The following SETDB1 variants were observed in gnomAD, a reference collection of about 807,000 sequenced individuals.
The protein encoded by SETDB1 is histone-lysine N-methyltransferase SETDB1.
SETDB1 carries 31 observed loss-of-function variants against 137.4 expected under a neutral mutation model. The observed-to-expected ratio is 0.23, with a 90% CI of 0.17 to 0.30. The LOEUF (loss-of-function observed/expected upper bound fraction) is 0.30, where lower values mean the gene tolerates loss of function less well. Ranked by LOEUF, SETDB1 falls within the 10% of genes least tolerant of loss-of-function variation. SETDB1 has a pLI of 1.00. For synonymous variants in SETDB1, 548 were observed against 579.9 expected, an observed-to-expected ratio of 0.95 and a Z score of 0.79; for missense variants, 1,113 against 1,631.5, an observed-to-expected ratio of 0.68 and a Z score of 5.47.
rs587676891 is a variant in SETDB1 at position 150,929,390 on chromosome 1, T to A, written c.261-577T>A. On this transcript the variant is annotated intron_variant, in intron 2 of 21. Transcript: ENST00000692827. ...TTTTATTTTTATTTTATTTTATTTT[T>A]TTTTTAGACAGAGACTTGCTCTGTC... Among the ~76,000 whole-genome samples the A allele has an allele frequency of 5.4e-3, 826 of 151,836 alleles. 5 individuals are homozygous for A. The highest frequency in any genetic ancestry group is 9.5e-3 in the Non-Finnish European group (647 of 67,920).
In SETDB1 at chr1:150,962,901, G is replaced by A. The variant is rs587747743; in HGVS notation, c.3295-73G>A. Reference sequence around the variant, plus strand: ...TGCCACCGCCCTTTCCTGCCAAACCGTGGGTAACAGCAAGGACTTAAAGGA... The same window carrying A: ...TGCCACCGCCCTTTCCTGCCAAACCATGGGTAACAGCAAGGACTTAAAGGA... On this transcript the variant is annotated intron_variant, in intron 18 of 21. Coordinates refer to ENST00000692827, the MANE Select transcript of SETDB1 (RefSeq NM_001366418.1). 2.1e-5 allele frequency: 33 copies of A among 1,553,606 alleles called. No individual in the cohort carries two copies. The South Asian group carries it at 2.8e-4, about 13-fold the overall frequency.
At position 150,963,653 on chromosome 1, in the gene SETDB1, G is replaced by A. The variant is rs750158928; in HGVS notation, c.3584G>A (p.Arg1195His). The A allele has an allele frequency of 2.9e-5, 46 of 1,613,984 alleles. No individual in the cohort carries two copies. Among genetic ancestry groups the A allele is most frequent in the Non-Finnish European group, 3.4e-5 (40 of 1,180,014 alleles). Residue 1195 changes from arginine (R) to histidine (H), a missense_variant, in exon 20 of 22, where the codon CGT (arginine) becomes CAT (histidine). Arg to His is a conservative substitution (Grantham distance 29). Transcript: ENST00000692827. ...SVDKGESAPVRKNTRQFYDGE... is the reference protein window; with the variant it reads ...SVDKGESAPVHKNTRQFYDGE... The stretch of plus-strand genomic sequence containing the variant: ...GACAAGGGGGAGAGCGCACCTGTTC[G>A]TAAGAACACACGCCAATTCTATGAT...
chr1:150,938,452 T>C (rs1253480741), intron 3 of SETDB1, among the ~76,000 whole-genome samples: 1 of 152,062 alleles, frequency 6.6e-6, no homozygotes, highest in East Asian at 1.9e-4. Context: ...ACTCCAGAAT[T>C]CGATAGTGAT....
At position 150,927,968 on chromosome 1, in the gene SETDB1, C is replaced by A; in HGVS notation, c.254C>A (p.Ala85Glu). The A allele has an allele frequency of 6.2e-7, 1 of 1,613,988 alleles. No individual in the cohort carries two copies. The highest frequency in any genetic ancestry group is 8.5e-7 in the Non-Finnish European group (1 of 1,179,836). Reference sequence around the variant, plus strand: ...CACGTTGACCAACTCTTTGATGATGCATCCAGGTGAGAACTCCATGGAAAA... The same window carrying A: ...CACGTTGACCAACTCTTTGATGATGAATCCAGGTGAGAACTCCATGGAAAA... ...VAHVDQLFDD[A>E]SRAVTNCESL... The change falls in exon 2 of 22, where the codon GCA (alanine) becomes GAA (glutamate). Residue 85 changes from alanine to glutamate, a missense_variant. Around this residue, in one of 11 missense-constraint regions of SETDB1, gnomAD observed 159 missense variants for 188.6 expected, o/e 0.84. Coordinates refer to ENST00000692827, the MANE Select transcript of SETDB1 (RefSeq NM_001366418.1).
chr1:150,947,046 AAC>A (rs779887767), intron 10 of SETDB1, 34 bp downstream of exon 10: 2 of 1,612,236 alleles, frequency 1.2e-6, no homozygotes, highest in Non-Finnish European at 1.7e-6. Flanking sequence ...GGAAGGAAGA[AAC>A]AGGCCAACCA....
chr1:150,930,035 G>A lies in SETDB1; in HGVS notation c.329G>A (p.Ser110Asn). ...YSKLGLQYRD[S>N]SSEDESSRPT... ...AAGCTGGGACTACAATACCGGGACA[G>A]TAGCTCTGAGGACGAATCTTCCCGG... The change falls in exon 3 of 22, where the codon AGT (serine) becomes AAT (asparagine). Residue 110 changes from serine (S) to asparagine (N), a missense_variant. Physicochemically the swap from Ser to Asn is conservative, Grantham distance 46. Coordinates refer to ENST00000692827, the MANE Select transcript of SETDB1 (RefSeq NM_001366418.1). 6.2e-7 allele frequency: 1 copy of A among 1,613,828 alleles called. No homozygotes were observed. The highest frequency in any genetic ancestry group is 8.5e-7 in the Non-Finnish European group (1 of 1,179,714).
chr1:150,951,289 T>G (rs768932559), intron 13 of SETDB1, 76 bp from the exon 14 acceptor site: 5 of 1,199,950 alleles, frequency 4.2e-6, no homozygotes, highest in Non-Finnish European at 6.2e-6. Flanking sequence ...CTGAGCAACC[T>G]TGGGTACATG....
chr1:150,958,082 A>T (rs1189547098), intron 14 of SETDB1, among the ~76,000 whole-genome samples: 3 of 151,264 alleles, frequency 2.0e-5, no homozygotes, highest in Non-Finnish European at 4.4e-5. Context: ...GCTACTTGGG[A>T]GGCTGAGGCA....
intron 14 of SETDB1, among the ~76,000 whole-genome samples, chr1:150,955,183 G>A (rs1670603671): frequency 6.6e-6 from 1 of 152,176 alleles, no homozygotes; most frequent in Admixed American, 6.6e-5. Context: ...ACAAAATTTT[G>A]AATCTAACAA....
chr1:150,927,586 A>G, intron 1 of SETDB1, 118 bp from the exon 2 acceptor site: 2 of 875,752 alleles, frequency 2.3e-6, no homozygotes, highest in Non-Finnish European at 3.5e-6. Flanking sequence ...AACATGGAAT[A>G]TTTGAATAGA....
At chr1:150,928,233 A>G (rs945892298) in intron 2 of SETDB1, 1 of 453,706 alleles carries the variant, frequency 2.2e-6, no homozygotes, top group African/African-American at 2.0e-5. Flanking sequence ...AATTTTTTAT[A>G]TTTTTAGTAG....
At position 150,949,177 on chromosome 1, in the gene SETDB1, T is replaced by G; in HGVS notation, c.1323T>G (p.Thr441=). 1 of 1,614,092 alleles carries G rather than the reference T, an allele frequency of 6.2e-7. No individual in the cohort carries two copies. Among genetic ancestry groups the G allele is most frequent in the Non-Finnish European group, 8.5e-7 (1 of 1,180,010 alleles). ...VVQYTQDLTG[T]GTQFKPVEPP... ...AGTACACACAGGATCTGACCGGTAC[T>G]GGAACCCAGTTCAAGCCAGTGGAAC... Residue 441 remains threonine, a synonymous_variant, in exon 11 of 22, where the codon ACT becomes ACG. Transcript: ENST00000692827.
At chr1:150,944,883 C>T in intron 8 of SETDB1, 35 bp from the exon 9 acceptor site, 1 of 1,611,220 alleles carries the variant, frequency 6.2e-7, no homozygotes, top group Non-Finnish European at 8.5e-7. Flanking sequence ...ACATGCCCTA[C>T]CTGCCCTCTC....
chr1:150,948,356 C>T lies in SETDB1; in HGVS notation c.1268-766C>T, dbSNP rs189627211. On this transcript the variant is annotated intron_variant, in intron 10 of 21. Coordinates refer to ENST00000692827, the MANE Select transcript of SETDB1 (RefSeq NM_001366418.1). ...CACCATCTCAGCTCACTGCAACCTCCGCCTCCCGGGTTCCAGCAATTCTCC... is the reference window on the plus strand; with the variant it reads ...CACCATCTCAGCTCACTGCAACCTCTGCCTCCCGGGTTCCAGCAATTCTCC... 3.9e-4 allele frequency among the ~76,000 whole-genome samples: 59 copies of T among 151,358 alleles called. No homozygotes were observed. The East Asian group carries it at 6.8e-3, about 18-fold the overall frequency.
At chr1:150,960,241 A>AGGCG (rs1287458870) in intron 15 of SETDB1, among the ~76,000 whole-genome samples, 1 of 151,974 alleles carries the variant, frequency 6.6e-6, no homozygotes, top group Non-Finnish European at 1.5e-5. Flanking sequence ...TGGGAGGCTG[A>AGGCG]GGCGGGCAGA....
intron 9 of SETDB1, among the ~76,000 whole-genome samples, 157 bp from the exon 10 acceptor site, chr1:150,946,729 A>G (rs1670343594): frequency 6.6e-6 from 1 of 152,212 alleles, no homozygotes; most frequent in Non-Finnish European, 1.5e-5. Flanking sequence ...ATTACAAGCT[A>G]CAGGCGTGAG....
At position 150,964,399 on chromosome 1, in the gene SETDB1, C is replaced by T. The variant is rs755217223; in HGVS notation, c.*35C>T. The T allele has an allele frequency of 5.5e-5, 83 of 1,496,784 alleles. No homozygotes were observed. The highest frequency in any genetic ancestry group is 5.4e-5 in the Non-Finnish European group (58 of 1,076,794). 92.7% of individuals were successfully genotyped at this position (1,496,784 alleles called of 1,614,324 possible). Reference sequence around the variant, plus strand: ...TTCTTCCCAACCCTTCTTGAACTGTCGTTTCCTCAGGAACTGGGTCTTCCT... The same window carrying T: ...TTCTTCCCAACCCTTCTTGAACTGTTGTTTCCTCAGGAACTGGGTCTTCCT... On this transcript the variant is annotated 3_prime_UTR_variant, in exon 22 of 22. Transcript: ENST00000692827.
chr1:150,954,317 C>T (rs1670583106), intron 14 of SETDB1, among the ~76,000 whole-genome samples: 1 of 152,076 alleles, frequency 6.6e-6, no homozygotes, highest in Non-Finnish European at 1.5e-5. Context: ...GAGCATGACT[C>T]TTATCTCTAA....
chr1:150,955,020 A>T (rs1310254857), intron 14 of SETDB1, among the ~76,000 whole-genome samples: 1 of 152,230 alleles, frequency 6.6e-6, no homozygotes, highest in East Asian at 1.9e-4. Context: ...AATTGGTTTA[A>T]CAGAAAACCT....
Sources: allele counts gnomAD v4.1 joint callset (sites outside exome capture counted in the v4.1 genomes callset), GRCh38; gene constraint gnomAD v4.1.1; regional missense constraint gnomAD v4.1.1; transcripts MANE v1.5; gene names NCBI Gene and HGNC (gene_info 2026-07-23, HGNC 2026-07-21).